The following SPATA6 variants were observed in gnomAD, a reference collection of about 807,000 sequenced individuals.
The protein encoded by SPATA6 is spermatogenesis associated 6, also known as spermatogenesis-associated protein 6.
A neutral mutation model predicts 65.3 loss-of-function variants in SPATA6; 56 were observed. The ratio of observed to expected loss-of-function variants is 0.86; its 90% confidence interval spans 0.69 to 1.07. The LOEUF is 1.07. Ranked by LOEUF, SPATA6 falls within the 50% of genes least tolerant of loss-of-function variation. SPATA6 has a pLI of 0.00. For missense variants in SPATA6, 590 were observed against 594.8 expected (o/e 0.99, Z 0.08); for synonymous variants, 199 against 213.2 (o/e 0.93, Z 0.58).
At chr1:48,355,290 C>CA (rs1377835532) in intron 11 of SPATA6, among the ~76,000 whole-genome samples, 1 of 152,130 alleles carries the variant, frequency 6.6e-6, no homozygotes, top group Non-Finnish European at 1.5e-5. Flanking sequence ...CTCTCCTACC[C>CA]ACTCATGCTA....
chr1:48,350,188 G>A (rs1039349035), intron 11 of SPATA6, among the ~76,000 whole-genome samples: 3 of 151,618 alleles, frequency 2.0e-5, no homozygotes, highest in Non-Finnish European at 4.4e-5. Flanking sequence ...TATGAGTTGA[G>A]CATGTTTTAA....
At chr1:48,347,481 T>C (rs1181717192) in intron 11 of SPATA6, among the ~76,000 whole-genome samples, 1 of 146,040 alleles carries the variant, frequency 6.8e-6, no homozygotes, top group African/African-American at 2.6e-5. Flanking sequence ...ATATATATAT[T>C]ATTAATGTAT....
intron 11 of SPATA6, among the ~76,000 whole-genome samples, chr1:48,337,082 G>A (rs564224649): frequency 8.0e-4 from 122 of 151,984 alleles, no homozygotes; most frequent in Non-Finnish European, 2.4e-4. Context: ...AATCTGAGGA[G>A]AATATTACAA....
intron 3 of SPATA6, among the ~76,000 whole-genome samples, chr1:48,438,416 C>T (rs1275250715): frequency 2.0e-5 from 3 of 152,194 alleles, no homozygotes; most frequent in Admixed American, 6.5e-5. Flanking sequence ...GGACTAAAGA[C>T]CCAGTTGTCA....
At chr1:48,285,380 T>C in the SPATA6 span, among the ~76,000 whole-genome samples, 1 of 151,622 alleles carries the variant, frequency 6.6e-6, no homozygotes, top group Non-Finnish European at 1.5e-5. Context: ...TGGGGTGGGA[T>C]CTGTTAAGCT....
At chr1:48,470,329 GGAA>G (rs768559791) in intron 1 of SPATA6, among the ~76,000 whole-genome samples, 2 of 152,328 alleles carry the variant, frequency 1.3e-5, no homozygotes, top group Non-Finnish European at 2.9e-5. Context: ...GGCAGGAGGA[GGAA>G]GAAGCCAGTA....
Position 48,472,088 on chromosome 1 carries a change from G to A in SPATA6, c.-80C>T, listed in dbSNP as rs1658312562. The A allele has an allele frequency of 3.6e-6, 4 of 1,110,926 alleles. No homozygotes were observed. The highest frequency in any genetic ancestry group is 3.7e-6 in the Non-Finnish European group (3 of 819,530). The allele number at this position is 1,110,926 out of a possible 1,614,324, so 68.8% of individuals were successfully genotyped here. ...GGGAGACCTGGGGCTGGGCGGGGAC[G>A]GGGAGGAGACGAGGTGGCGGCGGCG... On this transcript the variant is annotated 5_prime_UTR_variant, in exon 1 of 13. Coordinates refer to ENST00000371847, the MANE Select transcript of SPATA6 (RefSeq NM_019073.4).
Position 48,399,505 on chromosome 1 carries a change from G to A in SPATA6, c.626C>T (p.Pro209Leu). ...AGAGTGTGATTTTGAAGAAATTGTA[G>A]GCTGTTCGTAGTTTTTTGCATTTAT... is the stretch of plus-strand genomic sequence containing the variant. ...YCINAKNYEQ[P>L]TISSKSHSPS... Residue 209 changes from proline (P) to leucine (L), a missense_variant, in exon 7 of 13, where the codon CCT becomes CTT. Physicochemically the swap from Pro to Leu is moderately conservative, Grantham distance 98. Coordinates refer to ENST00000371847, the MANE Select transcript of SPATA6 (RefSeq NM_019073.4). 1 of 1,613,156 alleles carries A rather than the reference G, an allele frequency of 6.2e-7. No individual in the cohort carries two copies. Among genetic ancestry groups the A allele is most frequent in the Non-Finnish European group, 8.5e-7 (1 of 1,179,438 alleles).
At position 48,472,179 on chromosome 1, in the gene SPATA6, A is replaced by G; in HGVS notation, c.-171T>C. 1 of 542,526 alleles carries G rather than the reference A, an allele frequency of 1.8e-6. No individual in the cohort carries two copies. Among genetic ancestry groups the G allele is most frequent in the South Asian group, 2.5e-5 (1 of 39,976 alleles). 33.6% of individuals were successfully genotyped at this position (542,526 alleles called of 1,614,324 possible). A position where few individuals can be genotyped will look rare whatever the true frequency, so the allele number is the denominator to read the frequency against. On this transcript the variant is annotated 5_prime_UTR_variant, in exon 1 of 13. Coordinates refer to ENST00000371847, the MANE Select transcript of SPATA6 (RefSeq NM_019073.4). ...CTGGGTTCCGCCGGAGAAGCAGCTG[A>G]GCGCGGGGCGCAGACTCGTTGTCAT...
At chr1:48,437,845 G>A (rs1655081976) in intron 3 of SPATA6, among the ~76,000 whole-genome samples, 1 of 149,062 alleles carries the variant, frequency 6.7e-6, no homozygotes, top group Admixed American at 6.7e-5. Context: ...GTAAATTATA[G>A]ATCTTAAATT....
Position 48,400,698 on chromosome 1 carries a change from A to T in SPATA6, c.487-1054T>A, listed in dbSNP as rs187324808. 35 of 1,083,838 alleles carry T rather than the reference A, an allele frequency of 3.2e-5. No homozygotes were observed. In the East Asian group the frequency reaches 2.2e-3, roughly 68 times the overall value. The allele number at this position is 1,083,838 out of a possible 1,614,324, so 67.1% of individuals were successfully genotyped here. On this transcript the variant is annotated intron_variant, in intron 6 of 12. Coordinates refer to ENST00000371847, the MANE Select transcript of SPATA6 (RefSeq NM_019073.4). ...AGTCAAATTTTTTAAGTGGATACAC[A>T]GAAAAGAAAATTAATTTTCCTAATT...
intron 3 of SPATA6, among the ~76,000 whole-genome samples, chr1:48,420,966 C>T (rs1462978755): frequency 6.6e-6 from 1 of 152,000 alleles, no homozygotes; most frequent in Non-Finnish European, 1.5e-5. Flanking sequence ...TTATCTCACT[C>T]ATTGATGAAA....
At chr1:48,385,200 T>C in intron 9 of SPATA6, 109 bp downstream of exon 9, 5 of 975,348 alleles carry the variant, frequency 5.1e-6, no homozygotes, top group South Asian at 2.9e-5. Flanking sequence ...TTTACATTTT[T>C]TACTAAATGA....
intron 4 of SPATA6, among the ~76,000 whole-genome samples, chr1:48,412,142 G>A (rs1396479171): frequency 6.6e-6 from 1 of 152,122 alleles, no homozygotes; most frequent in East Asian, 1.9e-4. Flanking sequence ...TTACAAGCAT[G>A]AGCCACCGCG....
intron 3 of SPATA6, among the ~76,000 whole-genome samples, chr1:48,448,435 T>C (rs555836079): frequency 6.6e-6 from 1 of 151,160 alleles, no homozygotes; most frequent in Non-Finnish European, 1.5e-5. Context: ...CGTCATATGA[T>C]GGGTCACAGT....
chr1:48,318,738 C>T (rs770197428), intron 11 of SPATA6, among the ~76,000 whole-genome samples: 6 of 152,006 alleles, frequency 3.9e-5, no homozygotes, highest in South Asian at 2.1e-4. Context: ...TATACAATTC[C>T]GGCCACAGTT....
rs1650481231 is a variant in SPATA6 at position 48,395,324 on chromosome 1, A to G, written c.811T>C (p.Leu271=). 2 of 1,568,792 alleles carry G rather than the reference A, an allele frequency of 1.3e-6. No homozygotes were observed. Among genetic ancestry groups the G allele is most frequent in the East Asian group, 2.4e-5 (1 of 42,342 alleles). ...CAGTCTCTTCCAGAAGATCCCAATAAAGTATCAGCCCTGGGACTTGGGGGA... is the reference window on the plus strand; with the variant it reads ...CAGTCTCTTCCAGAAGATCCCAATAGAGTATCAGCCCTGGGACTTGGGGGA... ...VDPPSPRADT[L]LGSSGRDCER... Residue 271 remains leucine, a synonymous_variant, in exon 8 of 13, where the codon TTA becomes CTA. Coordinates refer to ENST00000371847, the MANE Select transcript of SPATA6 (RefSeq NM_019073.4).
the SPATA6 span, among the ~76,000 whole-genome samples, chr1:48,263,422 C>T: frequency 3.9e-5 from 6 of 152,036 alleles, no homozygotes; most frequent in Non-Finnish European, 7.4e-5. Context: ...CATTTAGAAG[C>T]CATATTTATT....
chr1:48,291,064 G>A (rs552114082), downstream of SPATA6, among the ~76,000 whole-genome samples: 72 of 152,244 alleles, frequency 4.7e-4, no homozygotes, highest in Middle Eastern at 0.01. Flanking sequence ...GCACCACGTC[G>A]CACTTACTGC....
Sources: gnomAD v4.1 joint callset for allele counts (sites outside exome capture counted in the v4.1 genomes callset) on GRCh38, gnomAD v4.1.1 for gene constraint, MANE v1.5 for transcripts, NCBI Gene and HGNC (gene_info 2026-07-23, HGNC 2026-07-21) for gene names.